Variants in LRRTM3 observed in about 807,000 individuals in gnomAD.
LRRTM3 encodes the protein leucine rich repeat transmembrane neuronal 3.
Under a neutral mutation model 44.7 loss-of-function variants are expected in LRRTM3, and 24 were observed. The ratio of observed to expected loss-of-function variants is 0.54; its 90% CI spans 0.39 to 0.76. The LOEUF (loss-of-function observed/expected upper bound fraction) is 0.76, where lower values mean the gene tolerates loss of function less well. Among genes scored for constraint, LRRTM3 ranks in the 30% least tolerant of loss-of-function variants. The pLI is 0.00. For missense variants in LRRTM3, 587 were observed against 702.2 expected (o/e 0.84, Z 1.85); for synonymous variants, 277 against 278.7 (o/e 0.99, Z 0.06).
intron 2 of LRRTM3, among the ~76,000 whole-genome samples, chr10:67,075,593 TGCTCCAGTCTA>T (rs1856708864): frequency 6.6e-6 from 1 of 152,210 alleles, no homozygotes; most frequent in Non-Finnish European, 1.5e-5. Flanking sequence ...ATAGACAAAG[TGCTCCAGTCTA>T]GGAAATCAGA....
chr10:67,067,356 G>A (rs559519515), intron 2 of LRRTM3, among the ~76,000 whole-genome samples: 1 of 152,206 alleles, frequency 6.6e-6, no homozygotes, highest in East Asian at 1.9e-4. Flanking sequence ...TAAGCAAAAA[G>A]TTACTAACCC....
chr10:67,096,167 A>G (rs907630419), intron 2 of LRRTM3, among the ~76,000 whole-genome samples: 3 of 151,886 alleles, frequency 2.0e-5, no homozygotes, highest in African/African-American at 7.2e-5. Flanking sequence ...TATTCATATT[A>G]TAAGCAAATA....
chr10:67,055,756 A>AT (rs1855388237), intron 2 of LRRTM3, among the ~76,000 whole-genome samples: 1 of 152,176 alleles, frequency 6.6e-6, no homozygotes, highest in African/African-American at 2.4e-5. Context: ...GCAGAGGATG[A>AT]AAGATGTACC....
At chr10:66,940,243 T>C (rs1589455755) in intron 2 of LRRTM3, among the ~76,000 whole-genome samples, 1 of 152,140 alleles carries the variant, frequency 6.6e-6, no homozygotes, top group East Asian at 1.9e-4. Flanking sequence ...CTCATGCCTA[T>C]AGGCCCAGCA....
intron 2 of LRRTM3, among the ~76,000 whole-genome samples, chr10:67,033,656 C>T (rs971005808): frequency 5.9e-5 from 9 of 152,148 alleles, no homozygotes; most frequent in African/African-American, 9.7e-5. Context: ...CTATTATTTT[C>T]CCCATTTTAA....
rs1170594360 is a variant in LRRTM3 at position 66,978,526 on chromosome 10, C to CAA, written c.1536+50100_1536+50101dup. Among the ~76,000 whole-genome samples, 142 of 42,292 alleles carry CAA rather than the reference C, an allele frequency of 3.4e-3. 14 individuals carry two copies. The highest frequency in any genetic ancestry group is 6.2e-3 in the African/African-American group (60 of 9,742). The allele number at this position is 42,292 out of a possible 152,430, so 27.7% of individuals were successfully genotyped here. A position where few individuals can be genotyped will look rare whatever the true frequency, so the allele number is the denominator to read the frequency against. On this transcript the variant is annotated intron_variant, in intron 2 of 2. Transcript: ENST00000361320. ...TGGATGATAGAGTGAGACTCCATCT[C>CAA]AAAAAAAAAAAAAAAAAAAAAAAAA...
chr10:66,964,042 G>A (rs1849268492), intron 2 of LRRTM3, among the ~76,000 whole-genome samples: 1 of 151,694 alleles, frequency 6.6e-6, no homozygotes, highest in Non-Finnish European at 1.5e-5. Context: ...AGTAGTGATG[G>A]GTTTTCACCA....
At chr10:67,078,820 G>A (rs1423532352) in intron 2 of LRRTM3, among the ~76,000 whole-genome samples, 3 of 151,992 alleles carry the variant, frequency 2.0e-5, no homozygotes, top group Non-Finnish European at 4.4e-5. Context: ...CCGGCCCTCT[G>A]ATGTCTTCTT....
At chr10:67,046,374 A>G (rs899706197) in intron 2 of LRRTM3, among the ~76,000 whole-genome samples, 5 of 152,184 alleles carry the variant, frequency 3.3e-5, no homozygotes, top group Non-Finnish European at 5.9e-5. Context: ...ACAGCTTTTG[A>G]TCACTCAGTT....
chr10:67,072,961 A>G (rs1856549123), intron 2 of LRRTM3, among the ~76,000 whole-genome samples: 1 of 152,256 alleles, frequency 6.6e-6, no homozygotes, highest in African/African-American at 2.4e-5. Flanking sequence ...TAGATCCCTC[A>G]AGTCTCCAGT....
At chr10:67,085,285 A>G (rs1857241811) in intron 2 of LRRTM3, among the ~76,000 whole-genome samples, 1 of 151,978 alleles carries the variant, frequency 6.6e-6, no homozygotes, top group Non-Finnish European at 1.5e-5. Flanking sequence ...CAAAAATATG[A>G]CTAGTCTTCT....
At chr10:67,085,972 C>T (rs1196242730) in intron 2 of LRRTM3, among the ~76,000 whole-genome samples, 3 of 152,090 alleles carry the variant, frequency 2.0e-5, no homozygotes, top group South Asian at 2.1e-4. Flanking sequence ...CCACTCTCAT[C>T]ATATCCTACA....
chr10:66,971,672 T>G (rs1849732505), intron 2 of LRRTM3, among the ~76,000 whole-genome samples: 1 of 152,086 alleles, frequency 6.6e-6, no homozygotes, highest in African/African-American at 2.4e-5. Flanking sequence ...TATAACTGTG[T>G]TGGTAAGAAC....
intron 2 of LRRTM3, among the ~76,000 whole-genome samples, chr10:66,948,009 A>G (rs1848360122): frequency 6.6e-6 from 1 of 152,238 alleles, no homozygotes; most frequent in South Asian, 2.1e-4. Flanking sequence ...GTTACTGTAT[A>G]GAATGCTGTA....
At chr10:67,052,313 ACTCTCTCTCTCTCTCTCT>A (rs3841706) in intron 2 of LRRTM3, among the ~76,000 whole-genome samples, 5 of 121,070 alleles carry the variant, frequency 4.1e-5, no homozygotes, top group Admixed American at 7.9e-5. Flanking sequence ...CCCACTCATC[ACTCTCTCTCTCTCTCTCT>A]CTCTCTCTCT....
intron 2 of LRRTM3, among the ~76,000 whole-genome samples, chr10:66,968,750 C>T (rs1849567804): frequency 6.6e-6 from 1 of 152,042 alleles, no homozygotes; most frequent in Admixed American, 6.6e-5. Context: ...GGCATGGTGG[C>T]TCACACCTGT....
Position 67,101,247 on chromosome 10 carries a change from T to C in LRRTM3, c.*3451T>C, listed in dbSNP as rs796514575. On this transcript the variant is annotated 3_prime_UTR_variant, in exon 3 of 3. Transcript: ENST00000361320. ...ACCCCAAGGAAAAAACCAAAGACCT[T>C]CTAAATTGAGACTGCATAATTATAA... Among the ~76,000 whole-genome samples the C allele has an allele frequency of 2.0e-5, 3 of 151,772 alleles. No individual in the cohort carries two copies. The highest frequency in any genetic ancestry group is 1.9e-4 in the East Asian group (1 of 5,140).
chr10:66,983,122 G>T (rs1367981824), intron 2 of LRRTM3, among the ~76,000 whole-genome samples: 1 of 152,178 alleles, frequency 6.6e-6, no homozygotes, highest in Non-Finnish European at 1.5e-5. Flanking sequence ...CACAAAGTCA[G>T]CAGGACTTAA....
intron 2 of LRRTM3, among the ~76,000 whole-genome samples, chr10:67,011,062 G>T (rs779032307): frequency 2.0e-5 from 3 of 152,120 alleles, no homozygotes; most frequent in Non-Finnish European, 4.4e-5. Context: ...AGGCGCGGTG[G>T]CTCACGCCTG....
Sources: allele counts gnomAD v4.1 joint callset (sites outside exome capture counted in the v4.1 genomes callset), GRCh38; gene constraint gnomAD v4.1.1; transcripts MANE v1.5; gene names NCBI Gene and HGNC (gene_info 2026-07-23, HGNC 2026-07-21).